The following RFTN1 variants were observed in gnomAD, a reference collection of about 807,000 sequenced individuals.
The protein encoded by RFTN1 is raftlin, lipid raft linker 1, also known as raftlin.
Under a neutral mutation model 46.5 loss-of-function variants are expected in RFTN1, and 26 were observed. That is an observed-to-expected ratio of 0.56 (90% CI 0.41 to 0.78). The LOEUF is 0.78. Ranked by LOEUF, RFTN1 falls within the 30% of genes least tolerant of loss-of-function variation. The probability of loss-of-function intolerance (pLI) is 0.00; values close to 1 mark genes in which losing one functional copy is unlikely to be tolerated. For missense variants in RFTN1, 693 were observed against 718.7 expected (o/e 0.96, Z 0.41); for synonymous variants, 261 against 284.2 (o/e 0.92, Z 0.82).
intron 1 of RFTN1, 113 bp from the exon 2 acceptor site, chr3:16,493,990 G>C: frequency 8.5e-7 from 1 of 1,172,168 alleles, no homozygotes; most frequent in Non-Finnish European, 1.2e-6. Context: ...ACAGACCTCA[G>C]CCCTTATGAA....
rs1574954918 is a variant in RFTN1 at position 16,323,436 on chromosome 3, C to G, written c.1272G>C (p.Lys424Asn). The change falls in exon 9 of 10, where the codon AAG becomes AAC. Residue 424 changes from lysine to asparagine, a missense_variant. Transcript: ENST00000334133. ...AAGGTCTCTGAAGAAAGACAATCTGCTTGGTGGATACACTCCCCTCGCTGT... is the reference window on the plus strand; with the variant it reads ...AAGGTCTCTGAAGAAAGACAATCTGGTTGGTGGATACACTCCCCTCGCTGT... ...KTTSEGSVST[K>N]QIVFLQRPCL... 4 of 1,612,564 alleles carry G rather than the reference C, an allele frequency of 2.5e-6. No individual in the cohort carries two copies. In the East Asian group the frequency reaches 6.7e-5, roughly 27 times the overall value.
At chr3:16,453,389 C>G (rs528754652) in intron 2 of RFTN1, among the ~76,000 whole-genome samples, 21 of 152,234 alleles carry the variant, frequency 1.4e-4, no homozygotes, top group Non-Finnish European at 2.6e-4. Context: ...GCTTTTTCTA[C>G]TATACCACAG....
At chr3:16,491,716 C>T (rs974745738) in intron 2 of RFTN1, among the ~76,000 whole-genome samples, 6 of 151,532 alleles carry the variant, frequency 4.0e-5, no homozygotes, top group Non-Finnish European at 2.9e-5. Context: ...AGTTACTCTT[C>T]GTCATAATGA....
In RFTN1 at chr3:16,457,393, T is replaced by C. The variant is rs550532503; in HGVS notation, c.146-23356A>G. 7.2e-4 allele frequency among the ~76,000 whole-genome samples: 110 copies of C among 152,190 alleles called. No individual in the cohort carries two copies. The highest frequency in any genetic ancestry group is 1.4e-3 in the Non-Finnish European group (94 of 68,020). ...AGTATAAAAAGGAAGAATAACAATA[T>C]TTAACTGGTAGGATCTTCATAGGAA... On this transcript the variant is annotated intron_variant, in intron 2 of 9. Transcript: ENST00000334133. This position sits in a 1 kb window ranked among gnomAD's most constrained non-coding sequence, Gnocchi z 4.2.
intron 1 of RFTN1, among the ~76,000 whole-genome samples, chr3:16,496,371 G>A (rs1294500446): frequency 1.3e-5 from 2 of 152,174 alleles, no homozygotes; most frequent in Non-Finnish European, 2.9e-5. Flanking sequence ...GAATCAAAGA[G>A]CGCCTAACAA....
intron 7 of RFTN1, among the ~76,000 whole-genome samples, chr3:16,333,850 G>A (rs955708522): frequency 2.0e-5 from 3 of 152,206 alleles, no homozygotes; most frequent in Non-Finnish European, 4.4e-5. Context: ...GAGAAATGCA[G>A]AATCTCATAA....
At position 16,329,585 on chromosome 3, in the gene RFTN1, C is replaced by T. The variant is rs769622640; in HGVS notation, c.1147-2709G>A. On this transcript the variant is annotated intron_variant, in intron 7 of 9. Transcript: ENST00000334133. This position sits in a 1 kb window ranked among gnomAD's most constrained non-coding sequence, Gnocchi z 4.5. ...CCAGACCAGCACAGCCCGTATTCCT[C>T]CTGCTGGGTGCCACGCTCACCACCT... Among the ~76,000 whole-genome samples, 1 of 152,202 alleles carries T rather than the reference C, an allele frequency of 6.6e-6. No homozygotes were observed.
chr3:16,460,236 T>C lies in RFTN1; in HGVS notation c.146-26199A>G, dbSNP rs2075984023. ...ATTTTTATCTATTGTGTTATTTTGA[T>C]ATTTGTACATTTACTGGGATCTGGC... On this transcript the variant is annotated intron_variant, in intron 2 of 9. Coordinates refer to ENST00000334133, the MANE Select transcript of RFTN1 (RefSeq NM_015150.2). The surrounding 1 kb of genome is among the most constrained non-coding windows in gnomAD (Gnocchi z 4.8). 6.6e-6 allele frequency among the ~76,000 whole-genome samples: 1 copy of C among 152,234 alleles called. No homozygotes were observed. Among genetic ancestry groups the C allele is most frequent in the African/African-American group, 2.4e-5 (1 of 41,458 alleles).
intron 4 of RFTN1, among the ~76,000 whole-genome samples, chr3:16,398,039 G>C (rs961624115): frequency 6.6e-6 from 1 of 152,048 alleles, no homozygotes; most frequent in African/African-American, 2.4e-5. Context: ...GAGGTCAGGA[G>C]TTCGAGACCA....
chr3:16,501,942 G>A (rs2076717458), intron 1 of RFTN1, among the ~76,000 whole-genome samples: 1 of 152,122 alleles, frequency 6.6e-6, no homozygotes, highest in Non-Finnish European at 1.5e-5. Flanking sequence ...CGGTTTATAT[G>A]GTACCACTTT....
Position 16,351,299 on chromosome 3 carries a change from C to T in RFTN1, c.1146+6633G>A, listed in dbSNP as rs934855791. Among the ~76,000 whole-genome samples, 2 of 152,164 alleles carry T rather than the reference C, an allele frequency of 1.3e-5. No individual in the cohort carries two copies. Among genetic ancestry groups the T allele is most frequent in the African/African-American group, 4.8e-5 (2 of 41,432 alleles). On this transcript the variant is annotated intron_variant, in intron 7 of 9. Coordinates refer to ENST00000334133, the MANE Select transcript of RFTN1 (RefSeq NM_015150.2). The surrounding 1 kb of genome is among the most constrained non-coding windows in gnomAD (Gnocchi z 5.4). ...CAGTCTGTTTGCCATTGAGACCAGT[C>T]AGGAGCCTCCATACATATGAAGCCT...
rs1288998412 is a variant in RFTN1, at chr3:16,356,362, C to A, written c.1146+1570G>T. On this transcript the variant is annotated intron_variant, in intron 7 of 9. Coordinates refer to ENST00000334133, the MANE Select transcript of RFTN1 (RefSeq NM_015150.2). The surrounding 1 kb of genome is among the most constrained non-coding windows in gnomAD (Gnocchi z 4.9). Reference sequence around the variant, plus strand: ...TCCTGACTTCCCTCAGGACTTCTGGCCCCTACGCTAACCAGCCCCGGATGC... The same window carrying A: ...TCCTGACTTCCCTCAGGACTTCTGGACCCTACGCTAACCAGCCCCGGATGC... Among the ~76,000 whole-genome samples, 3 of 152,170 alleles carry A rather than the reference C, an allele frequency of 2.0e-5. No homozygotes were observed.
chr3:16,439,808 T>TG (rs2075586682), intron 2 of RFTN1, among the ~76,000 whole-genome samples: 1 of 152,112 alleles, frequency 6.6e-6, no homozygotes, highest in South Asian at 2.1e-4. Flanking sequence ...AACTGTCCTC[T>TG]GGGGGAGTGT....
rs2071371575 is a variant in RFTN1, at chr3:16,342,338, C to G, written c.1147-15462G>C. Among the ~76,000 whole-genome samples the G allele has an allele frequency of 1.3e-5, 2 of 152,152 alleles. No homozygotes were observed. Among genetic ancestry groups the G allele is most frequent in the African/African-American group, 4.8e-5 (2 of 41,434 alleles). ...GGCTTCTTTCACTTTAGCATATGTT[C>G]AAGGTTCATACATGTAGCATATATC... is the stretch of plus-strand genomic sequence containing the variant. On this transcript the variant is annotated intron_variant, in intron 7 of 9. Transcript: ENST00000334133. The surrounding 1 kb of genome is among the most constrained non-coding windows in gnomAD (Gnocchi z 4.0).
chr3:16,493,458 C>G (rs2076573944), intron 2 of RFTN1, among the ~76,000 whole-genome samples: 1 of 152,152 alleles, frequency 6.6e-6, no homozygotes, highest in Non-Finnish European at 1.5e-5. Flanking sequence ...GTCTTGAACT[C>G]CTGACCTCAG....
At position 16,345,537 on chromosome 3, in the gene RFTN1, G is replaced by C. The variant is rs928752019; in HGVS notation, c.1146+12395C>G. On this transcript the variant is annotated intron_variant, in intron 7 of 9. Coordinates refer to ENST00000334133, the MANE Select transcript of RFTN1 (RefSeq NM_015150.2). The surrounding 1 kb of genome is among the most constrained non-coding windows in gnomAD (Gnocchi z 5.2). ...GACACCATCCAGTCATTGAGGACCT[G>C]AACAGAACAAAGGGTGGAGGAAGGC... Among the ~76,000 whole-genome samples, 9 of 152,108 alleles carry C rather than the reference G, an allele frequency of 5.9e-5. No individual in the cohort carries two copies. Among genetic ancestry groups the C allele is most frequent in the Non-Finnish European group, 1.3e-4 (9 of 68,022 alleles).
At chr3:16,454,827 G>A in intron 2 of RFTN1, 1 of 977,078 alleles carries the variant, frequency 1.0e-6, no homozygotes, top group Non-Finnish European at 1.2e-6. Context: ...ACTTTGTCTT[G>A]TTCATTTTCT....
intron 2 of RFTN1, among the ~76,000 whole-genome samples, chr3:16,438,306 T>A (rs1471885034): frequency 6.6e-6 from 1 of 152,082 alleles, no homozygotes; most frequent in Non-Finnish European, 1.5e-5. Context: ...GGGTTCTTGC[T>A]GGGCATGGTG....
Position 16,451,193 on chromosome 3 carries a change from G to T in RFTN1, c.146-17156C>A, listed in dbSNP as rs1406199649. The stretch of plus-strand genomic sequence containing the variant: ...GATGGGCAGATCTGCAAAGGAGGCA[G>T]AGGAGCAGCCCGAGAGACAAGAAGC... On this transcript the variant is annotated intron_variant, in intron 2 of 9. Coordinates refer to ENST00000334133, the MANE Select transcript of RFTN1 (RefSeq NM_015150.2). This position sits in a 1 kb window ranked among gnomAD's most constrained non-coding sequence, Gnocchi z 4.2. 1.3e-5 allele frequency among the ~76,000 whole-genome samples: 2 copies of T among 152,206 alleles called. No homozygotes were observed.
Sources: gnomAD v4.1 joint callset for allele counts (sites outside exome capture counted in the v4.1 genomes callset) on GRCh38, gnomAD v4.1.1 for gene constraint, Gnocchi (gnomAD v3.1) non-coding constraint, MANE v1.5 for transcripts, NCBI Gene and HGNC (gene_info 2026-07-23, HGNC 2026-07-21) for gene names.